Variants in ZMYND15 observed in about 807,000 individuals in gnomAD.
The protein encoded by ZMYND15 is zinc finger MYND domain-containing protein 15.
In ZMYND15, 54 loss-of-function variants were observed where a neutral mutation model predicts 81.7. The ratio of observed to expected loss-of-function variants is 0.66; its 90% confidence interval spans 0.53 to 0.83. The LOEUF is 0.83. Ranked by LOEUF, ZMYND15 falls within the 40% of genes least tolerant of loss-of-function variation. The pLI is 0.00. For missense variants in ZMYND15, 925 were observed against 973.5 expected (o/e 0.95, Z 0.66); for synonymous variants, 399 against 387.0 (o/e 1.03, Z -0.36).
chr17:4,745,750 G>C lies in ZMYND15; in HGVS notation c.2058-69G>C. Reference sequence around the variant, plus strand: ...CCCTGACCGCGCCCCTGGGAGCCCCGACCCCTGGGAGCGCCGACCCCTGGG... The same window carrying C: ...CCCTGACCGCGCCCCTGGGAGCCCCCACCCCTGGGAGCGCCGACCCCTGGG... On this transcript the variant is annotated intron_variant, in intron 13 of 13. Coordinates refer to ENST00000433935, the MANE Select transcript of ZMYND15 (RefSeq NM_001136046.3). This position sits in a 1 kb window ranked among gnomAD's most constrained non-coding sequence, Gnocchi z 5.2. 1 of 1,014,274 alleles carries C rather than the reference G, an allele frequency of 9.9e-7. No homozygotes were observed. Among genetic ancestry groups the C allele is most frequent in the Non-Finnish European group, 1.3e-6 (1 of 791,600 alleles). The allele number at this position is 1,014,274 out of a possible 1,614,324, so 62.8% of individuals were successfully genotyped here. A position where few individuals can be genotyped will look rare whatever the true frequency, so the allele number is the denominator to read the frequency against.
Position 4,740,830 on chromosome 17 carries a change from A to C in ZMYND15, c.282A>C (p.Pro94=), listed in dbSNP as rs766464716. The stretch of plus-strand genomic sequence containing the variant: ...CCTGGCTCCTGGGAGACAACCCTCC[A>C]CTCCACCTGCGAGACCTGAGCCCCT... The part of the protein sequence containing the change: ...GTAWLLGDNP[P]LHLRDLSPYI... The change falls in exon 2 of 14, where the codon CCA becomes CCC. Residue 94 remains proline, a synonymous_variant. Transcript: ENST00000433935. 1.3e-6 allele frequency: 2 copies of C among 1,580,928 alleles called. No homozygotes were observed. The highest frequency in any genetic ancestry group is 3.5e-5 in the Admixed American group (2 of 56,914).
chr17:4,741,439 G>A (rs1253360555), intron 2 of ZMYND15, 143 bp from the exon 3 acceptor site: 3 of 908,128 alleles, frequency 3.3e-6, no homozygotes, highest in African/African-American at 1.7e-5. Flanking sequence ...CCTTTAGAAG[G>A]AGCGTGCCCT....
Position 4,745,682 on chromosome 17 carries a change from G to T in ZMYND15, c.2058-137G>T. 5.7e-6 allele frequency: 3 copies of T among 523,274 alleles called. 1 individual carries two copies. The highest frequency in any genetic ancestry group is 3.2e-6 in the Non-Finnish European group (1 of 310,346). 32.4% of individuals were successfully genotyped at this position (523,274 alleles called of 1,614,324 possible). The stretch of plus-strand genomic sequence containing the variant: ...CCTGGAACTCAGAGGGGCAAGCCCC[G>T]CCCCCTGGTCCCTGACCGCCCGGTG... On this transcript the variant is annotated intron_variant, in intron 13 of 13. Coordinates refer to ENST00000433935, the MANE Select transcript of ZMYND15 (RefSeq NM_001136046.3). The surrounding 1 kb of genome is among the most constrained non-coding windows in gnomAD (Gnocchi z 5.2).
At position 4,745,686 on chromosome 17, in the gene ZMYND15, C is replaced by T; in HGVS notation, c.2058-133C>T. The T allele has an allele frequency of 1.6e-6, 1 of 630,284 alleles. No homozygotes were observed. The highest frequency in any genetic ancestry group is 2.0e-5 in the South Asian group (1 of 49,854). 39.0% of individuals were successfully genotyped at this position (630,284 alleles called of 1,614,324 possible). ...GAACTCAGAGGGGCAAGCCCCGCCC[C>T]CTGGTCCCTGACCGCCCGGTGGAGC... On this transcript the variant is annotated intron_variant, in intron 13 of 13. Transcript: ENST00000433935. The surrounding 1 kb of genome is among the most constrained non-coding windows in gnomAD (Gnocchi z 5.2).
chr17:4,740,617 A>C lies in ZMYND15; in HGVS notation c.69A>C (p.Arg23=), dbSNP rs1179254128. The C allele has an allele frequency of 6.2e-7, 1 of 1,612,976 alleles. No individual in the cohort carries two copies. The highest frequency in any genetic ancestry group is 2.2e-5 in the East Asian group (1 of 44,868). ...CTGCCCTTCTCTTCGGCTGGTTCCG[A>C]AAGTTTGTGGCAGAGCGTGGAGCTG... ...DFTALLFGWF[R]KFVAERGAVG... Residue 23 remains arginine (R), a synonymous_variant, in exon 2 of 14, where the codon CGA becomes CGC. Coordinates refer to ENST00000433935, the MANE Select transcript of ZMYND15 (RefSeq NM_001136046.3).
rs1442352425 is a variant in ZMYND15, at chr17:4,744,590, A to G, written c.1684-35A>G. The G allele has an allele frequency of 1.9e-6, 3 of 1,603,456 alleles. No individual in the cohort carries two copies. Among genetic ancestry groups the G allele is most frequent in the Admixed American group, 1.7e-5 (1 of 58,946 alleles). On this transcript the variant is annotated intron_variant, in intron 10 of 13. Transcript: ENST00000433935. The surrounding 1 kb of genome is among the most constrained non-coding windows in gnomAD (Gnocchi z 4.1). ...TGCATCCTCCAGTTCCCTGACTTCC[A>G]GTGGCTTTTCCACCCCACTCCTGGG...
chr17:4,741,012 C>T lies in ZMYND15; in HGVS notation c.464C>T (p.Pro155Leu), dbSNP rs139380300. Residue 155 changes from proline (P) to leucine (L), a missense_variant, in exon 2 of 14, where the codon CCC becomes CTC. Transcript: ENST00000433935. ...CTAGCCCCTACCAGCAGGGAGTCCC[C>T]CCAGGAAACAAACCCTCCAGGAGAG... ...RELAPTSRES[P>L]QETNPPGESE... 5 of 1,554,354 alleles carry T rather than the reference C, an allele frequency of 3.2e-6. No individual in the cohort carries two copies. The highest frequency in any genetic ancestry group is 2.7e-5 in the African/African-American group (2 of 73,276).
chr17:4,745,068 G>T lies in ZMYND15; in HGVS notation c.1896+140G>T. The T allele has an allele frequency of 1.6e-5, 25 of 1,537,400 alleles. No individual in the cohort carries two copies. The highest frequency in any genetic ancestry group is 2.2e-5 in the Non-Finnish European group (25 of 1,119,488). On this transcript the variant is annotated intron_variant, in intron 12 of 13. Coordinates refer to ENST00000433935, the MANE Select transcript of ZMYND15 (RefSeq NM_001136046.3). This position sits in a 1 kb window ranked among gnomAD's most constrained non-coding sequence, Gnocchi z 5.2. ...CTGGGGAGTGCCCACGGGTCCCCCT[G>T]CCTCTCTCTGTGTCTGTCTCCGTCC... is the stretch of plus-strand genomic sequence containing the variant.
rs1024738480 is a variant in ZMYND15, at chr17:4,739,857, G to T, written c.-224G>T. On this transcript the variant is annotated 5_prime_UTR_variant, in exon 1 of 14. Coordinates refer to ENST00000433935, the MANE Select transcript of ZMYND15 (RefSeq NM_001136046.3). This position sits in a 1 kb window ranked among gnomAD's most constrained non-coding sequence, Gnocchi z 5.3. ...CAGCCGCGCTGCATGAGCCTCCCGGGCGGCCCGGTGGAGAGAGTCGCCGCC... is the reference window on the plus strand; with the variant it reads ...CAGCCGCGCTGCATGAGCCTCCCGGTCGGCCCGGTGGAGAGAGTCGCCGCC... 3.0e-6 allele frequency: 3 copies of T among 987,062 alleles called. No individual in the cohort carries two copies. The highest frequency in any genetic ancestry group is 9.2e-5 in the South Asian group (2 of 21,648). The allele number at this position is 987,062 out of a possible 1,614,324, so 61.1% of individuals were successfully genotyped here.
chr17:4,742,345 C>T lies in ZMYND15; in HGVS notation c.998C>T (p.Ala333Val). 1 of 1,614,054 alleles carries T rather than the reference C, an allele frequency of 6.2e-7. No homozygotes were observed. The highest frequency in any genetic ancestry group is 8.5e-7 in the Non-Finnish European group (1 of 1,179,942). ...AKLTPCPQCS[A>V]VLYCGEACLR... ...TGTGTCCCCAGCCCCCAGTGTAGTG[C>T]TGTCTTGTATTGTGGAGAGGCTTGT... The change falls in exon 5 of 14, where the codon GCT becomes GTT. Residue 333 changes from alanine to valine, a missense_variant. Transcript: ENST00000433935.
Position 4,740,595 on chromosome 17 carries a change from C to A in ZMYND15, c.47C>A (p.Ala16Asp), listed in dbSNP as rs1916350463. 1.2e-6 allele frequency: 2 copies of A among 1,610,102 alleles called. 1 individual carries two copies. The highest frequency in any genetic ancestry group is 3.3e-4 in the Middle Eastern group (2 of 6,042). ...GYRDEFLDFT[A>D]LLFGWFRKFV... ...CGGGATGAGTTCCTTGATTTCACTG[C>A]CCTTCTCTTCGGCTGGTTCCGAAAG... is the stretch of plus-strand genomic sequence containing the variant. Residue 16 changes from alanine (A) to aspartate (D), a missense_variant, in exon 2 of 14, where the codon GCC becomes GAC. Coordinates refer to ENST00000433935, the MANE Select transcript of ZMYND15 (RefSeq NM_001136046.3).
rs1597284286 is a variant in ZMYND15, at chr17:4,744,392, T to C, written c.1608T>C (p.His536=). 6.2e-7 allele frequency: 1 copy of C among 1,614,106 alleles called. No homozygotes were observed. The change falls in exon 10 of 14, where the codon CAT becomes CAC. Residue 536 remains histidine (H), a synonymous_variant. Transcript: ENST00000433935. The surrounding 1 kb of genome is among the most constrained non-coding windows in gnomAD (Gnocchi z 4.1). The part of the protein sequence containing the change: ...VFWELLVLLP[H]VALELQFVGD... ...AGGAGCTTTTGGTCCTGCTCCCCCATGTGGCCCTGGAGCTGCAGTTTGTAG... is the reference window on the plus strand; with the variant it reads ...AGGAGCTTTTGGTCCTGCTCCCCCACGTGGCCCTGGAGCTGCAGTTTGTAG...
rs778532736 is a variant in ZMYND15 at position 4,742,438 on chromosome 17, C to T, written c.1091C>T (p.Ala364Val). The stretch of plus-strand genomic sequence containing the variant: ...CGATTTTGGTGCCCAAGGCTTGCAG[C>T]CTTCATGGAGCGGGCAGGAGAACTG... ...SHRFWCPRLA[A>V]FMERAGELAT... The change falls in exon 5 of 14, where the codon GCC (alanine) becomes GTC (valine). Residue 364 changes from alanine to valine, a missense_variant. Coordinates refer to ENST00000433935, the MANE Select transcript of ZMYND15 (RefSeq NM_001136046.3). 21 of 1,614,064 alleles carry T rather than the reference C, an allele frequency of 1.3e-5. No individual in the cohort carries two copies. The highest frequency in any genetic ancestry group is 1.7e-4 in the Middle Eastern group (1 of 6,058).
In ZMYND15 at chr17:4,743,510, A is replaced by AGAAGTT; in HGVS notation, c.1297+57_1297+62dup. 1 of 1,601,224 alleles carries AGAAGTT rather than the reference A, an allele frequency of 6.2e-7. No homozygotes were observed. Among genetic ancestry groups the AGAAGTT allele is most frequent in the Admixed American group, 1.7e-5 (1 of 58,578 alleles). On this transcript the variant is annotated intron_variant, in intron 6 of 13. Transcript: ENST00000433935. This position sits in a 1 kb window ranked among gnomAD's most constrained non-coding sequence, Gnocchi z 4.3. ...CTTGGCCTAGAGGGAAGGACTGGGAAGAAGTTGTCTGGGTCCCAGATGATC... is the reference window on the plus strand; with the variant it reads ...CTTGGCCTAGAGGGAAGGACTGGGAAGAAGTTGAAGTTGTCTGGGTCCCAGATGATC...
In ZMYND15 at chr17:4,744,121, A is replaced by G. The variant is rs778239959; in HGVS notation, c.1495+14A>G. The G allele has an allele frequency of 1.2e-6, 2 of 1,608,752 alleles. No homozygotes were observed. The highest frequency in any genetic ancestry group is 2.7e-5 in the African/African-American group (2 of 74,796). On this transcript the variant is annotated intron_variant, in intron 8 of 13. Transcript: ENST00000433935. This position sits in a 1 kb window ranked among gnomAD's most constrained non-coding sequence, Gnocchi z 4.1. ...TGCCCCAGTCCTGTAAGGAGAGCGGAGTGGGGGGTGGAGCAGGATGGGGGA... is the reference window on the plus strand; with the variant it reads ...TGCCCCAGTCCTGTAAGGAGAGCGGGGTGGGGGGTGGAGCAGGATGGGGGA...
Position 4,741,915 on chromosome 17 carries a change from A to C in ZMYND15, c.828A>C (p.Arg276=), listed in dbSNP as rs1916439542. The part of the protein sequence containing the change: ...QLTVGDARLH[R]ELESLVPRLG... The stretch of plus-strand genomic sequence containing the variant: ...CCATCTCCCCCCCAACTGCATTTAG[A>C]GAGCTGGAGAGCTTGGTCCCAAGGC... Residue 276 remains arginine, a splice_region_variant and synonymous_variant, in exon 4 of 14, where the codon CGA becomes CGC. Transcript: ENST00000433935. The C allele has an allele frequency of 1.2e-6, 2 of 1,613,744 alleles. No homozygotes were observed. Among genetic ancestry groups the C allele is most frequent in the Non-Finnish European group, 8.5e-7 (1 of 1,179,770 alleles).
chr17:4,744,793 C>G lies in ZMYND15; in HGVS notation c.1837+15C>G. On this transcript the variant is annotated intron_variant, in intron 11 of 13. Coordinates refer to ENST00000433935, the MANE Select transcript of ZMYND15 (RefSeq NM_001136046.3). This position sits in a 1 kb window ranked among gnomAD's most constrained non-coding sequence, Gnocchi z 4.1. Reference sequence around the variant, plus strand: ...CCTGGTTATTGGTAAAAGCCTGGGTCTCAGGGTTAGGCATGTGGGGAAGGT... The same window carrying G: ...CCTGGTTATTGGTAAAAGCCTGGGTGTCAGGGTTAGGCATGTGGGGAAGGT... 3 of 1,614,122 alleles carry G rather than the reference C, an allele frequency of 1.9e-6. No homozygotes were observed. The highest frequency in any genetic ancestry group is 2.2e-5 in the East Asian group (1 of 44,872).
Position 4,742,404 on chromosome 17 carries a change from G to A in ZMYND15, c.1057G>A (p.Val353Met), listed in dbSNP as rs1274012338. The stretch of plus-strand genomic sequence containing the variant: ...TGACTGGCAGCGGTGCCCAGATGAT[G>A]TGAGTCACCGATTTTGGTGCCCAAG... The part of the protein sequence containing the change: ...RADWQRCPDD[V>M]SHRFWCPRLA... The change falls in exon 5 of 14, where the codon GTG (valine) becomes ATG (methionine). Residue 353 changes from valine (V) to methionine (M), a missense_variant. By Grantham distance (21) the Val-to-Met change is conservative. Transcript: ENST00000433935. The A allele has an allele frequency of 5.6e-6, 9 of 1,614,194 alleles. No individual in the cohort carries two copies. The highest frequency in any genetic ancestry group is 3.3e-5 in the South Asian group (3 of 91,082).
rs1916644606 is a variant in ZMYND15, at chr17:4,745,827, A to G, written c.2066A>G (p.Asn689Ser). The G allele has an allele frequency of 2.5e-6, 4 of 1,599,262 alleles. No individual in the cohort carries two copies. Among genetic ancestry groups the G allele is most frequent in the Admixed American group, 1.7e-5 (1 of 58,574 alleles). ...GCCCCGCGCCCCCGCAGGTACTGCA[A>G]TGCCTTCATCTTCCACCTGGTTTAC... is the stretch of plus-strand genomic sequence containing the variant. ...AADNCMSWYC[N>S]AFIFHLVYKP... The change falls in exon 14 of 14, where the codon AAT becomes AGT. Residue 689 changes from asparagine (N) to serine (S), a missense_variant. By Grantham distance (46) the Asn-to-Ser change is conservative (BLOSUM62 1). Transcript: ENST00000433935. The surrounding 1 kb of genome is among the most constrained non-coding windows in gnomAD (Gnocchi z 5.2).
Sources: allele counts gnomAD v4.1 joint callset, GRCh38; gene constraint gnomAD v4.1.1; non-coding constraint Gnocchi (gnomAD v3.1); transcripts MANE v1.5; gene names NCBI Gene and HGNC (gene_info 2026-07-23, HGNC 2026-07-21).